The following TMEM123 variants were observed in gnomAD, a reference collection of about 807,000 sequenced individuals.
The protein encoded by TMEM123 is transmembrane protein 123, also known as porimin.
In TMEM123, 16 loss-of-function variants were observed where a neutral mutation model predicts 19.7. That is an observed-to-expected ratio of 0.81 (90% CI 0.55 to 1.23). The LOEUF (loss-of-function observed/expected upper bound fraction) is 1.23, where lower values mean the gene tolerates loss of function less well. TMEM123 is among the 50% of genes most tolerant of loss of function. TMEM123 has a pLI of 0.00. For synonymous variants in TMEM123, 118 were observed against 99.4 expected, an observed-to-expected ratio of 1.19 and a Z score of -1.12; for missense variants, 313 against 257.8, an observed-to-expected ratio of 1.21 and a Z score of -1.47.
chr11:102,397,303 G>T lies in TMEM123; in HGVS notation c.*1564C>A, dbSNP rs1951865748. The T allele has an allele frequency of 6.6e-6, 1 of 152,018 alleles. No individual in the cohort carries two copies. The highest frequency in any genetic ancestry group is 1.5e-5 in the Non-Finnish European group (1 of 67,978). The allele number at this position is 152,018 out of a possible 1,614,324, so 9.4% of individuals were successfully genotyped here. ...AACAAAAGCTGACAACAGTTTTATT[G>T]TACTCCTATTAAATGTAGGTGCATG... On this transcript the variant is annotated 3_prime_UTR_variant, in exon 5 of 5. Coordinates refer to ENST00000398136, the MANE Select transcript of TMEM123 (RefSeq NM_052932.3).
At chr11:102,437,563 G>A (rs1426231949) in intron 2 of TMEM123, among the ~76,000 whole-genome samples, 5 of 151,984 alleles carry the variant, frequency 3.3e-5, no homozygotes, top group Non-Finnish European at 5.9e-5. Context: ...TGAATTGGAA[G>A]CATTTAATTT....
At chr11:102,441,163 G>A (rs926996005) in intron 2 of TMEM123, among the ~76,000 whole-genome samples, 1 of 152,124 alleles carries the variant, frequency 6.6e-6, no homozygotes, top group African/African-American at 2.4e-5. Flanking sequence ...AGGATATCCG[G>A]GACTTGAACT....
chr11:102,408,456 TG>T (rs780648368), intron 2 of TMEM123, among the ~76,000 whole-genome samples: 1 of 152,250 alleles, frequency 6.6e-6, no homozygotes, highest in Non-Finnish European at 1.5e-5. Flanking sequence ...GCTCAAGCTC[TG>T]GATCAGCTCA....
intron 2 of TMEM123, among the ~76,000 whole-genome samples, chr11:102,435,195 T>C (rs1857750660): frequency 6.6e-6 from 1 of 151,810 alleles, no homozygotes; most frequent in Admixed American, 6.6e-5. Context: ...ATAAATAATT[T>C]TCCACTAGAA....
At chr11:102,449,160 C>G in intron 1 of TMEM123, 1 of 316,024 alleles carries the variant, frequency 3.2e-6, no homozygotes, top group South Asian at 3.1e-5. Context: ...AATTCATTTA[C>G]CCACACAATT....
intron 2 of TMEM123, among the ~76,000 whole-genome samples, chr11:102,446,745 G>A (rs1013161053): frequency 2.0e-5 from 3 of 152,164 alleles, no homozygotes; most frequent in African/African-American, 7.2e-5. Context: ...TTCCAACGTG[G>A]TGAGTCCTAT....
Position 102,426,502 on chromosome 11 carries a change from G to T in TMEM123, c.157+22310C>A, listed in dbSNP as rs963522707. ...GTCTCGCTCTGTCTCCCAGCCTGGA[G>T]TAGATGTGGGTCCTCAAGGAGAACT... On this transcript the variant is annotated intron_variant, in intron 2 of 4. Transcript: ENST00000398136. Among the ~76,000 whole-genome samples, 36 of 150,982 alleles carry T rather than the reference G, an allele frequency of 2.4e-4. 1 individual carries two copies. Among genetic ancestry groups the T allele is most frequent in the African/African-American group, 8.8e-4 (36 of 40,942 alleles).
At chr11:102,452,468 C>A (rs375199332) in intron 1 of TMEM123, 56 bp downstream of exon 1, 2 of 1,358,246 alleles carry the variant, frequency 1.5e-6, no homozygotes, top group South Asian at 1.5e-5. Context: ...GGAACCCAAG[C>A]CTCGGCAGCG....
intron 2 of TMEM123, among the ~76,000 whole-genome samples, chr11:102,409,583 C>G (rs1951985148): frequency 1.3e-5 from 2 of 151,830 alleles, no homozygotes; most frequent in African/African-American, 4.8e-5. Context: ...AAAACCTAGA[C>G]AGGCCGGGTG....
rs531246535 is a variant in TMEM123 at position 102,399,600 on chromosome 11, T to G, written c.603-709A>C. Among the ~76,000 whole-genome samples the G allele has an allele frequency of 3.3e-5, 5 of 152,366 alleles. No individual in the cohort carries two copies. In the South Asian group the frequency reaches 8.3e-4, roughly 25 times the overall value. On this transcript the variant is annotated intron_variant, in intron 4 of 4. Coordinates refer to ENST00000398136, the MANE Select transcript of TMEM123 (RefSeq NM_052932.3). ...CATGCCACTGTGAATGTGTCTGATC[T>G]CATGTGATCATGGAAGCTAAAGTGA... is the stretch of plus-strand genomic sequence containing the variant.
At chr11:102,450,941 C>CT (rs1857932165) in intron 1 of TMEM123, among the ~76,000 whole-genome samples, 1 of 152,118 alleles carries the variant, frequency 6.6e-6, no homozygotes, top group Non-Finnish European at 1.5e-5. Flanking sequence ...CAGTTACTAG[C>CT]TTTTTTGAGA....
intron 2 of TMEM123, among the ~76,000 whole-genome samples, chr11:102,423,173 G>T (rs1952100213): frequency 1.3e-5 from 2 of 152,226 alleles, no homozygotes; most frequent in Non-Finnish European, 2.9e-5. Flanking sequence ...ATGTAACACA[G>T]TGCAAACATG....
chr11:102,427,166 A>C (rs1952135861), intron 2 of TMEM123, among the ~76,000 whole-genome samples: 1 of 151,912 alleles, frequency 6.6e-6, no homozygotes, highest in Non-Finnish European at 1.5e-5. Context: ...CTCACTGACA[A>C]ACATTGTTGT....
At chr11:102,426,222 A>G (rs1029323763) in intron 2 of TMEM123, among the ~76,000 whole-genome samples, 4 of 152,186 alleles carry the variant, frequency 2.6e-5, no homozygotes, top group Non-Finnish European at 5.9e-5. Flanking sequence ...ATAGTATCCT[A>G]TCAGAACTCT....
intron 2 of TMEM123, among the ~76,000 whole-genome samples, chr11:102,411,321 C>G (rs953627575): frequency 1.3e-5 from 2 of 152,254 alleles, no homozygotes; most frequent in Non-Finnish European, 2.9e-5. Flanking sequence ...GAGAGCGTAT[C>G]GAAGCTCTGC....
Position 102,396,477 on chromosome 11 carries a change from C to CT in TMEM123, c.*2389dup, listed in dbSNP as rs1336653940. Reference sequence around the variant, plus strand: ...TTATCACTATAATATACTGCCAACTCTGTTTATCTGTATTTGAATTATTCC... The same window carrying CT: ...TTATCACTATAATATACTGCCAACTCTTGTTTATCTGTATTTGAATTATTCC... On this transcript the variant is annotated 3_prime_UTR_variant, in exon 5 of 5. Coordinates refer to ENST00000398136, the MANE Select transcript of TMEM123 (RefSeq NM_052932.3). The CT allele has an allele frequency of 1.3e-5, 2 of 152,050 alleles. No individual in the cohort carries two copies. Among genetic ancestry groups the CT allele is most frequent in the African/African-American group, 4.8e-5 (2 of 41,412 alleles). 9.4% of individuals were successfully genotyped at this position (152,050 alleles called of 1,614,324 possible).
chr11:102,420,634 C>T (rs978757360), intron 2 of TMEM123, among the ~76,000 whole-genome samples: 5 of 152,172 alleles, frequency 3.3e-5, no homozygotes, highest in African/African-American at 1.2e-4. Flanking sequence ...GCTAAGGAGT[C>T]CCTGCACTTC....
chr11:102,434,077 T>A (rs948243314), intron 2 of TMEM123, among the ~76,000 whole-genome samples: 5 of 151,998 alleles, frequency 3.3e-5, no homozygotes, highest in Non-Finnish European at 7.4e-5. Context: ...CTTTTTGACA[T>A]ACTGATTTCC....
chr11:102,408,212 C>T (rs529718022), intron 2 of TMEM123, among the ~76,000 whole-genome samples: 1 of 152,252 alleles, frequency 6.6e-6, no homozygotes, highest in East Asian at 1.9e-4. Flanking sequence ...CCTTCCTTCC[C>T]AGCAGCTGCA....
Sources: allele counts gnomAD v4.1 joint callset (sites outside exome capture counted in the v4.1 genomes callset), GRCh38; gene constraint gnomAD v4.1.1; transcripts MANE v1.5; gene names NCBI Gene and HGNC (gene_info 2026-07-23, HGNC 2026-07-21).